Variants in GMIP observed in about 807,000 individuals in gnomAD.
The protein encoded by GMIP is GEM interacting protein.
In GMIP, 54 loss-of-function variants were observed where a neutral mutation model predicts 105.3. That is an observed-to-expected ratio of 0.51 (90% CI 0.41 to 0.64). GMIP has a LOEUF of 0.64. Ranked by LOEUF, GMIP falls within the 30% of genes least tolerant of loss-of-function variation. GMIP has a pLI of 0.00. For synonymous variants in GMIP, 541 were observed against 560.8 expected (o/e 0.96, Z 0.50); for missense variants, 1,110 against 1,319.4 (o/e 0.84, Z 2.46).
In GMIP at chr19:19,637,079, G is replaced by A; in HGVS notation, c.1125-50C>T. 1 of 1,219,236 alleles carries A rather than the reference G, an allele frequency of 8.2e-7. No homozygotes were observed. The highest frequency in any genetic ancestry group is 1.2e-6 in the Non-Finnish European group (1 of 846,960). 75.5% of individuals were successfully genotyped at this position (1,219,236 alleles called of 1,614,324 possible). On this transcript the variant is annotated intron_variant, in intron 11 of 20. Coordinates refer to ENST00000203556, the MANE Select transcript of GMIP (RefSeq NM_016573.4). This position sits in a 1 kb window ranked among gnomAD's most constrained non-coding sequence, Gnocchi z 6.7. ...TTGAATCCCAGGAAACTGGCCTGGGGTGATGGCACCCAGGCATCATGTCTA... is the reference window on the plus strand; with the variant it reads ...TTGAATCCCAGGAAACTGGCCTGGGATGATGGCACCCAGGCATCATGTCTA...
chr19:19,640,422 G>C, intron 5 of GMIP, 24 bp downstream of exon 5: 1 of 1,614,104 alleles, frequency 6.2e-7, no homozygotes, highest in Non-Finnish European at 8.5e-7. Flanking sequence ...CTGGTAACTG[G>C]GGCTGGGCGG....
At chr19:19,640,386 G>C in intron 5 of GMIP, 26 bp from the exon 6 acceptor site, 1 of 1,614,042 alleles carries the variant, frequency 6.2e-7, no homozygotes, top group Non-Finnish European at 8.5e-7. Flanking sequence ...GCCGGGCTCT[G>C]GGTCTAGCTG....
At chr19:19,642,701 G>C in intron 1 of GMIP, 82 bp from the exon 2 acceptor site, 1 of 643,082 alleles carries the variant, frequency 1.6e-6, no homozygotes, top group Non-Finnish European at 2.9e-6. Context: ...TTTGGAGGGG[G>C]TGGAAGAGAA....
Position 19,637,322 on chromosome 19 carries a change from C to T in GMIP, c.1124+43G>A, listed in dbSNP as rs376241513. 8 of 1,332,510 alleles carry T rather than the reference C, an allele frequency of 6.0e-6. No individual in the cohort carries two copies. Among genetic ancestry groups the T allele is most frequent in the Non-Finnish European group, 8.2e-6 (8 of 980,172 alleles). The allele number at this position is 1,332,510 out of a possible 1,614,324, so 82.5% of individuals were successfully genotyped here. A position where few individuals can be genotyped will look rare whatever the true frequency, so the allele number is the denominator to read the frequency against. On this transcript the variant is annotated intron_variant, in intron 11 of 20. Transcript: ENST00000203556. This position sits in a 1 kb window ranked among gnomAD's most constrained non-coding sequence, Gnocchi z 6.7. ...CTGCGGTGCCAACAGCCTGGCATCG[C>T]GATTCCGGGGCTCGTTCCCGACTCC... is the stretch of plus-strand genomic sequence containing the variant.
chr19:19,638,265 C>T lies in GMIP; in HGVS notation c.683G>A (p.Arg228Gln), dbSNP rs1020290263. 6.2e-7 allele frequency: 1 copy of T among 1,606,672 alleles called. No individual in the cohort carries two copies. Among genetic ancestry groups the T allele is most frequent in the East Asian group, 2.2e-5 (1 of 44,834 alleles). Reference protein sequence around the residue: ...LQYVQRSEDLRARSQGSPEDS... With the variant: ...LQYVQRSEDLQARSQGSPEDS... ...CTCAGGGGACCCCTGGGAGCGTGCC[C>T]GCAGGTCCTCGCTGCGTTGCACATA... is the stretch of plus-strand genomic sequence containing the variant. The change falls in exon 9 of 21, where the codon CGG becomes CAG. Residue 228 changes from arginine (R) to glutamine (Q), a missense_variant. By Grantham distance (43) the Arg-to-Gln change is conservative. This residue lies in a region of GMIP where 667 missense variants were observed against 773.2 expected (regional missense o/e 0.86). Coordinates refer to ENST00000203556, the MANE Select transcript of GMIP (RefSeq NM_016573.4).
rs1286708380 is a variant in GMIP, at chr19:19,637,069, C to T, written c.1125-40G>A. 6.4e-6 allele frequency: 9 copies of T among 1,401,670 alleles called. No homozygotes were observed. Among genetic ancestry groups the T allele is most frequent in the Non-Finnish European group, 8.9e-6 (9 of 1,011,272 alleles). The allele number at this position is 1,401,670 out of a possible 1,614,324, so 86.8% of individuals were successfully genotyped here. ...GTTTGAAGGTTTGAATCCCAGGAAACTGGCCTGGGGTGATGGCACCCAGGC... is the reference window on the plus strand; with the variant it reads ...GTTTGAAGGTTTGAATCCCAGGAAATTGGCCTGGGGTGATGGCACCCAGGC... On this transcript the variant is annotated intron_variant, in intron 11 of 20. Transcript: ENST00000203556. This position sits in a 1 kb window ranked among gnomAD's most constrained non-coding sequence, Gnocchi z 6.7.
rs2061904481 is a variant in GMIP, at chr19:19,640,276, G to T, written c.429+20C>A. On this transcript the variant is annotated intron_variant, in intron 6 of 20. Transcript: ENST00000203556. Reference sequence around the variant, plus strand: ...GTTCTAGGGGGCTTGGGCTCTCCGGGGGGGTCTGGTCATGACTACCTGCTG... The same window carrying T: ...GTTCTAGGGGGCTTGGGCTCTCCGGTGGGGTCTGGTCATGACTACCTGCTG... The T allele has an allele frequency of 6.2e-7, 1 of 1,611,486 alleles. No individual in the cohort carries two copies. Among genetic ancestry groups the T allele is most frequent in the South Asian group, 1.1e-5 (1 of 91,018 alleles).
chr19:19,638,052 C>G lies in GMIP; in HGVS notation c.795G>C (p.Gln265His), dbSNP rs1256615998. ...AGGCCTGGTACAGCGCCTCGGCCTC[C>G]TGCGCCTGGGGAAACGGGAGGCCAG... Reference protein sequence around the residue: ...RSREEAQAKAQEAEALYQACV... With the variant: ...RSREEAQAKAHEAEALYQACV... The change falls in exon 10 of 21, where the codon CAG becomes CAC. Residue 265 changes from glutamine to histidine, a missense_variant. Around this residue, in one of 3 missense-constraint regions of GMIP, gnomAD observed 667 missense variants for 773.2 expected, o/e 0.86. Transcript: ENST00000203556. The G allele has an allele frequency of 6.4e-7, 1 of 1,567,830 alleles. No individual in the cohort carries two copies. Among genetic ancestry groups the G allele is most frequent in the Non-Finnish European group, 8.6e-7 (1 of 1,158,788 alleles).
At position 19,642,555 on chromosome 19, in the gene GMIP, G is replaced by A. The variant is rs200691797; in HGVS notation, c.84C>T (p.Leu28=). ...YSDIFRSLDN[L]EISLGNVTLE... ...CTCACACGTTCCCCAGTGAGATTTC[G>A]AGGTTGTCCAGGCTCCGGAAGATGT... Residue 28 remains leucine (L), a synonymous_variant, in exon 2 of 21, where the codon CTC becomes CTT. Coordinates refer to ENST00000203556, the MANE Select transcript of GMIP (RefSeq NM_016573.4). The A allele has an allele frequency of 2.0e-5, 33 of 1,609,804 alleles. No individual in the cohort carries two copies. The highest frequency in any genetic ancestry group is 2.0e-4 in the African/African-American group (15 of 74,872).
intron 2 of GMIP, 103 bp downstream of exon 2, chr19:19,642,432 G>T: frequency 1.4e-6 from 1 of 724,770 alleles, no homozygotes; most frequent in Non-Finnish European, 2.5e-6. Flanking sequence ...TAGGTATGTA[G>T]GTCCAGATGT....
chr19:19,630,344 C>T lies in GMIP; in HGVS notation c.2540-8G>A, dbSNP rs374594505. 2.5e-4 allele frequency: 391 copies of T among 1,544,722 alleles called. 1 individual carries two copies. The highest frequency in any genetic ancestry group is 3.1e-4 in the Non-Finnish European group (361 of 1,146,180). On this transcript the variant is annotated splice_region_variant and splice_polypyrimidine_tract_variant and intron_variant, in intron 20 of 20. Transcript: ENST00000203556. The surrounding 1 kb of genome is among the most constrained non-coding windows in gnomAD (Gnocchi z 4.8). ...CTGGGCCTTGGCTGGACACTGTGTACGGGGTGGGTGGTCAGTGCAGAGCAC... is the reference window on the plus strand; with the variant it reads ...CTGGGCCTTGGCTGGACACTGTGTATGGGGTGGGTGGTCAGTGCAGAGCAC...
In GMIP at chr19:19,637,412, G is replaced by A. The variant is rs2061866287; in HGVS notation, c.1077C>T (p.Pro359=). Residue 359 remains proline, a synonymous_variant, in exon 11 of 21, where the codon CCC becomes CCT. Coordinates refer to ENST00000203556, the MANE Select transcript of GMIP (RefSeq NM_016573.4). The surrounding 1 kb of genome is among the most constrained non-coding windows in gnomAD (Gnocchi z 6.7). ...CCTGGAAGGAGAAGGCGGGCGGCGG[G>A]GGCGGCGGGGCCTCGGGCCGCAGCG... ...VRALRPEAPP[P]PPPAFSFQEF... 6.7e-7 allele frequency: 1 copy of A among 1,493,200 alleles called. No homozygotes were observed. The highest frequency in any genetic ancestry group is 1.5e-5 in the African/African-American group (1 of 68,780). The allele number at this position is 1,493,200 out of a possible 1,614,324, so 92.5% of individuals were successfully genotyped here.
rs1431257269 is a variant in GMIP at position 19,635,590 on chromosome 19, G to A, written c.1406-21C>T. 1.9e-6 allele frequency: 3 copies of A among 1,613,644 alleles called. No individual in the cohort carries two copies. Among genetic ancestry groups the A allele is most frequent in the East Asian group, 2.2e-5 (1 of 44,864 alleles). ...CAGGTCTGCAGGGAGACAGGGTCAG[G>A]AGTGCCTGGTGCCCTGCCCTGTCCC... On this transcript the variant is annotated intron_variant, in intron 14 of 20. Coordinates refer to ENST00000203556, the MANE Select transcript of GMIP (RefSeq NM_016573.4). The surrounding 1 kb of genome is among the most constrained non-coding windows in gnomAD (Gnocchi z 4.7).
intron 7 of GMIP, among the ~76,000 whole-genome samples, chr19:19,639,709 C>T (rs756289322): frequency 3.2e-4 from 48 of 152,048 alleles, no homozygotes; most frequent in African/African-American, 1.1e-3. Context: ...ATTAGCCGGG[C>T]GTGGTGGCAG....
At chr19:19,640,826 C>T (rs2061911242) in intron 4 of GMIP, among the ~76,000 whole-genome samples, 1 of 152,114 alleles carries the variant, frequency 6.6e-6, no homozygotes, top group African/African-American at 2.4e-5. Flanking sequence ...AGTGCAATGG[C>T]GCGATTTTGG....
Position 19,637,320 on chromosome 19 carries a change from C to T in GMIP, c.1124+45G>A, listed in dbSNP as rs2061865099. On this transcript the variant is annotated intron_variant, in intron 11 of 20. Transcript: ENST00000203556. This position sits in a 1 kb window ranked among gnomAD's most constrained non-coding sequence, Gnocchi z 6.7. ...GCCTGCGGTGCCAACAGCCTGGCAT[C>T]GCGATTCCGGGGCTCGTTCCCGACT... The T allele has an allele frequency of 2.3e-6, 3 of 1,309,212 alleles. No individual in the cohort carries two copies. The highest frequency in any genetic ancestry group is 3.1e-6 in the Non-Finnish European group (3 of 958,736). The allele number at this position is 1,309,212 out of a possible 1,614,324, so 81.1% of individuals were successfully genotyped here.
At chr19:19,638,538 A>T (rs941551622) in intron 7 of GMIP, 56 bp from the exon 8 acceptor site, 3 of 1,431,564 alleles carry the variant, frequency 2.1e-6, no homozygotes, top group Non-Finnish European at 2.9e-6. Context: ...ACCCAGAAGC[A>T]GCCACCCAGT....
rs1026502780 is a variant in GMIP, at chr19:19,634,475, T to C, written c.2084+32A>G. The C allele has an allele frequency of 7.1e-6, 11 of 1,558,880 alleles. No homozygotes were observed. The highest frequency in any genetic ancestry group is 9.6e-6 in the Non-Finnish European group (11 of 1,149,262). ...GTAGTCGCATGTCCAGGGAAAAGGG[T>C]CGCGTTTCAAGGCTCAGGGACCCAT... On this transcript the variant is annotated intron_variant, in intron 18 of 20. Transcript: ENST00000203556. The surrounding 1 kb of genome is among the most constrained non-coding windows in gnomAD (Gnocchi z 6.1).
At chr19:19,643,160 C>T (rs984457242) in intron 1 of GMIP, 1 of 304,500 alleles carries the variant, frequency 3.3e-6, no homozygotes, top group African/African-American at 2.2e-5. Flanking sequence ...CTGCCGACTC[C>T]CCAGGGCTAC....
Sources: allele counts gnomAD v4.1 joint callset (sites outside exome capture counted in the v4.1 genomes callset), GRCh38; gene constraint gnomAD v4.1.1; regional missense constraint gnomAD v4.1.1; non-coding constraint Gnocchi (gnomAD v3.1); transcripts MANE v1.5; gene names NCBI Gene and HGNC (gene_info 2026-07-23, HGNC 2026-07-21).